Variants in ACSL4 observed in about 807,000 individuals in gnomAD.
ACSL4 encodes the protein acyl-CoA synthetase long chain family member 4.
A neutral mutation model predicts 49.1 loss-of-function variants in ACSL4; 9 were observed. The observed-to-expected ratio is 0.18, with a 90% confidence interval of 0.11 to 0.32. The LOEUF is 0.32. Among genes scored for constraint, ACSL4 ranks in the 10% least tolerant of loss-of-function variants. ACSL4 has a pLI of 1.00. For synonymous variants in ACSL4, 191 were observed against 170.3 expected (o/e 1.12, Z -0.95); for missense variants, 333 against 493.7 (o/e 0.67, Z 3.08).
rs945993470 is a variant in ACSL4, at chrX:109,669,257, G to A, written c.1003-84C>T. 23 of 756,363 alleles carry A rather than the reference G, an allele frequency of 3.0e-5. No individual in the cohort carries two copies. In the African/African-American group the frequency reaches 4.0e-4, roughly 13 times the overall value. 62.3% of individuals were successfully genotyped at this position (756,363 alleles called of 1,213,427 possible). ...AGATACCTTACTTGCAACATCTTGG[G>A]TAAAAGTCTTTAGCATAATGGACAT... On this transcript the variant is annotated intron_variant, in intron 9 of 15. Transcript: ENST00000672401.
chrX:109,667,586 G>A (rs575343638), intron 11 of ACSL4, among the ~76,000 whole-genome samples: 1 of 112,322 alleles, frequency 8.9e-6, no homozygotes, highest in African/African-American at 3.2e-5. Context: ...TTTGAGGACC[G>A]ACTGTGTGGC....
intron 8 of ACSL4, among the ~76,000 whole-genome samples, chrX:109,676,125 G>A (rs755436782): frequency 4.5e-5 from 5 of 110,723 alleles, no homozygotes; most frequent in African/African-American, 9.9e-5. Context: ...GGACATTCAC[G>A]GGTGCTGAAA....
At chrX:109,645,584 G>C (rs1286671754) in intron 15 of ACSL4, among the ~76,000 whole-genome samples, 2 of 112,228 alleles carry the variant, frequency 1.8e-5, no homozygotes, top group Non-Finnish European at 3.8e-5. Flanking sequence ...AAACAGAGCA[G>C]AGAAACTGGA....
chrX:109,697,311 A>G (rs1603408606), intron 1 of ACSL4, among the ~76,000 whole-genome samples: 1 of 112,036 alleles, frequency 8.9e-6, no homozygotes, highest in Admixed American at 9.4e-5. Flanking sequence ...TACTACTTGC[A>G]TATGATTATG....
intron 2 of ACSL4, among the ~76,000 whole-genome samples, chrX:109,684,096 T>C (rs1000660457): frequency 9.0e-6 from 1 of 110,802 alleles, no homozygotes; most frequent in Non-Finnish European, 1.9e-5. Flanking sequence ...TAGTGTTAGG[T>C]TTATATCCAA....
At position 109,682,841 on chromosome X, in the gene ACSL4, T is replaced by C. The variant is rs587780270; in HGVS notation, c.284A>G (p.Asn95Ser). The C allele has an allele frequency of 5.0e-6, 6 of 1,209,920 alleles. No individual in the cohort carries two copies. Among genetic ancestry groups the C allele is most frequent in the Non-Finnish European group, 6.7e-6 (6 of 894,926 alleles). Residue 95 changes from asparagine to serine, a missense_variant, in exon 4 of 16, where the codon AAT becomes AGT. By Grantham distance (46) the Asn-to-Ser change is conservative (BLOSUM62 1). Around this residue, in one of 3 missense-constraint regions of ACSL4, gnomAD observed 157 missense variants for 201.1 expected, o/e 0.78. Transcript: ENST00000672401. ...MNYLEVNRRV[N>S]NFGSGLTALG... ...TGCAGTGAGTCCACTACCAAAGTTA[T>C]TCACTCTGCGATTCACTTCAAGATA...
chrX:109,693,520 T>A (rs1021821233), intron 2 of ACSL4, among the ~76,000 whole-genome samples: 1 of 111,813 alleles, frequency 8.9e-6, no homozygotes, highest in African/African-American at 3.2e-5. Context: ...AATTCCTACC[T>A]AAAGAAGGAA....
intron 1 of ACSL4, among the ~76,000 whole-genome samples, chrX:109,726,516 A>C (rs1199588842): frequency 1.8e-5 from 2 of 112,422 alleles, no homozygotes; most frequent in Non-Finnish European, 3.8e-5. Flanking sequence ...TGGTAGGTAA[A>C]CAAGCACGCT....
chrX:109,666,290 A>G (rs1243173204), intron 11 of ACSL4, among the ~76,000 whole-genome samples: 1 of 112,186 alleles, frequency 8.9e-6, no homozygotes. Flanking sequence ...GTGGGCATTA[A>G]AAGATGGTTG....
chrX:109,655,200 T>C (rs1340031096), intron 15 of ACSL4, among the ~76,000 whole-genome samples: 1 of 111,588 alleles, frequency 9.0e-6, no homozygotes, highest in Non-Finnish European at 1.9e-5. Context: ...TGGGACTCAA[T>C]GACCAAGGCA....
chrX:109,706,165 A>T (rs1266819370), intron 1 of ACSL4, among the ~76,000 whole-genome samples: 1 of 112,816 alleles, frequency 8.9e-6, no homozygotes, highest in African/African-American at 3.2e-5. Flanking sequence ...TAAGAATTTT[A>T]AAAATTGAAT....
intron 1 of ACSL4, among the ~76,000 whole-genome samples, chrX:109,731,265 G>A (rs1569446800): frequency 2.7e-5 from 3 of 109,884 alleles, no homozygotes; most frequent in Non-Finnish European, 5.7e-5. Flanking sequence ...ATACACGTGT[G>A]TATATATATA....
chrX:109,645,031 A>C (rs1364465695), intron 15 of ACSL4, among the ~76,000 whole-genome samples: 1 of 112,867 alleles, frequency 8.9e-6, no homozygotes, highest in Non-Finnish European at 1.9e-5. Flanking sequence ...ACGCCCACGG[A>C]GTCTCGCTGA....
intron 4 of ACSL4, 50 bp downstream of exon 4, chrX:109,682,669 A>G: frequency 8.4e-7 from 1 of 1,189,705 alleles, no homozygotes; most frequent in Non-Finnish European, 1.1e-6. Context: ...CAATTCTCAC[A>G]TGCAAGCAAA....
At chrX:109,726,098 A>C (rs761057970) in intron 1 of ACSL4, among the ~76,000 whole-genome samples, 1 of 112,255 alleles carries the variant, frequency 8.9e-6, no homozygotes, top group Non-Finnish European at 1.9e-5. Flanking sequence ...TCAGGTTACA[A>C]CATATTAAAC....
chrX:109,677,944 T>C lies in ACSL4; in HGVS notation c.930+44A>G, dbSNP rs367910471. The C allele has an allele frequency of 8.3e-6, 10 of 1,204,154 alleles. No individual in the cohort carries two copies. In the African/African-American group the frequency reaches 1.2e-4, roughly 15 times the overall value. On this transcript the variant is annotated intron_variant, in intron 8 of 15. Coordinates refer to ENST00000672401, the MANE Select transcript of ACSL4 (RefSeq NM_001318510.2). Reference sequence around the variant, plus strand: ...TAGTAATATGTTCTCAGCCAAACCATGCAGCATCATACGATCATGCCAATA... The same window carrying C: ...TAGTAATATGTTCTCAGCCAAACCACGCAGCATCATACGATCATGCCAATA...
At chrX:109,719,905 A>C (rs1366538862) in intron 1 of ACSL4, among the ~76,000 whole-genome samples, 1 of 111,748 alleles carries the variant, frequency 8.9e-6, no homozygotes, top group Non-Finnish European at 1.9e-5. Flanking sequence ...AGGCAAGAGA[A>C]TCGCTTGAAC....
intron 14 of ACSL4, 134 bp from the exon 15 acceptor site, chrX:109,659,645 A>G: frequency 2.2e-6 from 1 of 463,388 alleles, no homozygotes; most frequent in Non-Finnish European, 3.6e-6. Context: ...TTAGGAAATG[A>G]TAAAACCCAT....
chrX:109,717,495 TCAAAA>T (rs1412377375), intron 1 of ACSL4, among the ~76,000 whole-genome samples: 1 of 110,059 alleles, frequency 9.1e-6, no homozygotes, highest in Non-Finnish European at 1.9e-5. Flanking sequence ...AAACTCCATC[TCAAAA>T]CAAAAAAAAA....
Sources: allele counts gnomAD v4.1 joint callset (sites outside exome capture counted in the v4.1 genomes callset), GRCh38; gene constraint gnomAD v4.1.1; regional missense constraint gnomAD v4.1.1; transcripts MANE v1.5; gene names NCBI Gene and HGNC (gene_info 2026-07-23, HGNC 2026-07-21).